Variants in AKAP10 observed in about 807,000 individuals in gnomAD.
AKAP10 encodes A-kinase anchoring protein 10.
AKAP10 carries 24 observed loss-of-function variants against 80.8 expected under a neutral mutation model. The ratio of observed to expected loss-of-function variants is 0.30; its 90% CI spans 0.22 to 0.42. The LOEUF is 0.42. Ranked by LOEUF, AKAP10 falls within the 10% of genes least tolerant of loss-of-function variation. The pLI is 1.00. For synonymous variants in AKAP10, 291 were observed against 277.7 expected, an observed-to-expected ratio of 1.05 and a Z score of -0.48; for missense variants, 661 against 794.9, an observed-to-expected ratio of 0.83 and a Z score of 2.03.
At chr17:19,961,106 C>T (rs934856915) in intron 3 of AKAP10, among the ~76,000 whole-genome samples, 2 of 151,680 alleles carry the variant, frequency 1.3e-5, no homozygotes, top group Non-Finnish European at 2.9e-5. Flanking sequence ...CTTTGGGAGG[C>T]CTACGCAAGT....
intron 1 of AKAP10, among the ~76,000 whole-genome samples, chr17:19,972,022 C>T (rs2152419802): frequency 6.6e-6 from 1 of 152,298 alleles, no homozygotes; most frequent in African/African-American, 2.4e-5. Flanking sequence ...AGGAGAATTG[C>T]TTGAACCCAG....
chr17:19,963,165 G>A, intron 2 of AKAP10, 143 bp from the exon 3 acceptor site: 2 of 552,502 alleles, frequency 3.6e-6, no homozygotes, highest in South Asian at 3.8e-5. Flanking sequence ...ATACTTAAGA[G>A]GAAAAGTAAC....
At chr17:19,909,315 A>C (rs762344054) in intron 13 of AKAP10, 39 bp from the exon 14 acceptor site, 3 of 1,552,416 alleles carry the variant, frequency 1.9e-6, no homozygotes, top group Non-Finnish European at 2.7e-6. Flanking sequence ...ATGGTTATTC[A>C]TTAGATGGAT....
intron 8 of AKAP10, among the ~76,000 whole-genome samples, chr17:19,939,082 T>C (rs1292592177): frequency 6.6e-6 from 1 of 152,140 alleles, no homozygotes; most frequent in African/African-American, 2.4e-5. Flanking sequence ...AAGAATACCA[T>C]ACGTTACAGA....
At chr17:19,946,237 T>G (rs28756895) in intron 5 of AKAP10, among the ~76,000 whole-genome samples, 3 of 15,176 alleles carry the variant, frequency 2.0e-4, no homozygotes, top group African/African-American at 9.5e-4. Flanking sequence ...TATATATATA[T>G]TATATATATA....
At chr17:19,930,699 G>A (rs577227111) in intron 10 of AKAP10, among the ~76,000 whole-genome samples, 1 of 152,066 alleles carries the variant, frequency 6.6e-6, no homozygotes, top group Non-Finnish European at 1.5e-5. Context: ...AACACAGCAA[G>A]ACTCCATCAT....
At chr17:19,950,878 G>A (rs906523631) in intron 4 of AKAP10, among the ~76,000 whole-genome samples, 11 of 151,192 alleles carry the variant, frequency 7.3e-5, no homozygotes, top group African/African-American at 2.4e-4. Context: ...GTCTCTGCCC[G>A]GCAGCCCATC....
intron 1 of AKAP10, among the ~76,000 whole-genome samples, chr17:19,976,631 T>C (rs1334261875): frequency 6.6e-6 from 1 of 152,040 alleles, no homozygotes; most frequent in Non-Finnish European, 1.5e-5. Context: ...GCGATTCTCC[T>C]GCTTCAGCCT....
intron 12 of AKAP10, among the ~76,000 whole-genome samples, chr17:19,911,527 T>A (rs919009346): frequency 6.6e-6 from 1 of 152,040 alleles, no homozygotes; most frequent in African/African-American, 2.4e-5. Context: ...GGGAAAAGCA[T>A]CTGGTTAGAA....
At chr17:19,934,364 T>C (rs569782789) in intron 9 of AKAP10, among the ~76,000 whole-genome samples, 12 of 152,262 alleles carry the variant, frequency 7.9e-5, no homozygotes, top group African/African-American at 2.9e-4. Flanking sequence ...CTTTAATTGT[T>C]CAAGACAGGG....
At chr17:19,946,254 TATA>T (rs1567765747) in intron 5 of AKAP10, among the ~76,000 whole-genome samples, 5 of 24,790 alleles carry the variant, frequency 2.0e-4, no homozygotes, top group Non-Finnish European at 3.0e-4. Flanking sequence ...TATATATATA[TATA>T]TATATATATA....
At chr17:19,940,249 A>G (rs2043038022) in intron 7 of AKAP10, among the ~76,000 whole-genome samples, 1 of 152,192 alleles carries the variant, frequency 6.6e-6, no homozygotes, top group Admixed American at 6.5e-5. Flanking sequence ...ATTTAAACTT[A>G]TAGCAAAGAA....
chr17:19,913,761 G>A (rs2042716407), intron 12 of AKAP10, among the ~76,000 whole-genome samples: 5 of 152,196 alleles, frequency 3.3e-5, no homozygotes, highest in Admixed American at 2.0e-4. Flanking sequence ...CTATGTCAGT[G>A]TGGCAAAGGG....
Position 19,905,647 on chromosome 17 carries a change from A to G in AKAP10, c.*580T>C, listed in dbSNP as rs2042624726. The G allele has an allele frequency of 1.3e-5, 2 of 152,854 alleles. No homozygotes were observed. The highest frequency in any genetic ancestry group is 4.8e-5 in the African/African-American group (2 of 41,546). The allele number at this position is 152,854 out of a possible 1,614,324, so 9.5% of individuals were successfully genotyped here. On this transcript the variant is annotated 3_prime_UTR_variant, in exon 15 of 15. Transcript: ENST00000225737. ...GGAGGAAGTCACTGAAACTTGACCCATGACTTGTCAGTTTCCTTCCAAATT... is the reference window on the plus strand; with the variant it reads ...GGAGGAAGTCACTGAAACTTGACCCGTGACTTGTCAGTTTCCTTCCAAATT...
At chr17:19,952,560 G>A (rs1027200982) in intron 4 of AKAP10, among the ~76,000 whole-genome samples, 2 of 151,920 alleles carry the variant, frequency 1.3e-5, no homozygotes, top group African/African-American at 4.8e-5. Flanking sequence ...GAATTATAAA[G>A]GTAGATCAAA....
chr17:19,926,859 G>A (rs1442089264), intron 10 of AKAP10, among the ~76,000 whole-genome samples: 4 of 152,120 alleles, frequency 2.6e-5, no homozygotes, highest in South Asian at 4.1e-4. Flanking sequence ...AGTGGCTCAC[G>A]CCTGTAATCC....
chr17:19,916,378 C>G (rs2042742222), intron 12 of AKAP10, among the ~76,000 whole-genome samples: 2 of 152,128 alleles, frequency 1.3e-5, no homozygotes, highest in Non-Finnish European at 2.9e-5. Context: ...TAGATGCATA[C>G]AGTAGGCACT....
rs1466093475 is a variant in AKAP10 at position 19,940,942 on chromosome 17, G to A, written c.1130C>T (p.Thr377Ile). ...GAAGAGAATGTCAGCCAGGTAAACA[G>A]TTCCACTGGTCAGCACTTCAATCTG... is the stretch of plus-strand genomic sequence containing the variant. ...KYQIEVLTSG[T>I]VYLADILFCE... is the part of the protein sequence containing the mutation. The change falls in exon 7 of 15, where the codon ACT (threonine) becomes ATT (isoleucine). Residue 377 changes from threonine (T) to isoleucine (I), a missense_variant. By Grantham distance (89) the Thr-to-Ile change is moderately conservative. Coordinates refer to ENST00000225737, the MANE Select transcript of AKAP10 (RefSeq NM_007202.4). 1 of 1,611,794 alleles carries A rather than the reference G, an allele frequency of 6.2e-7. No individual in the cohort carries two copies. Among genetic ancestry groups the A allele is most frequent in the African/African-American group, 1.3e-5 (1 of 74,926 alleles).
chr17:19,968,124 C>T (rs2043445129), intron 2 of AKAP10: 1 of 238,150 alleles, frequency 4.2e-6, no homozygotes, highest in African/African-American at 2.3e-5. Flanking sequence ...TGGTGTGAAC[C>T]CGGGAGACAG....
Sources: gnomAD v4.1 joint callset for allele counts (sites outside exome capture counted in the v4.1 genomes callset) on GRCh38, gnomAD v4.1.1 for gene constraint, MANE v1.5 for transcripts, NCBI Gene and HGNC (gene_info 2026-07-23, HGNC 2026-07-21) for gene names.